PRKN: variants seen among roughly 807,000 people sequenced by gnomAD.
The protein encoded by PRKN is parkin RBR E3 ubiquitin protein ligase.
Under a neutral mutation model 59.5 loss-of-function variants are expected in PRKN, and 56 were observed. That is an observed-to-expected ratio of 0.94 (90% CI 0.76 to 1.18). The LOEUF is 1.18. Among genes scored for constraint, PRKN ranks in the 50% most tolerant of loss-of-function variants. The pLI, the probability that PRKN is intolerant of heterozygous loss-of-function variation, is 0.00. For missense variants in PRKN, 657 were observed against 596.4 expected, an observed-to-expected ratio of 1.10 and a Z score of -1.06; for synonymous variants, 250 against 222.1, an observed-to-expected ratio of 1.13 and a Z score of -1.12.
rs375514312 is a variant in PRKN, at chr6:161,662,874, G to A, written c.872-93458C>T. Among the ~76,000 whole-genome samples the A allele has an allele frequency of 3.9e-5, 6 of 152,210 alleles. No individual in the cohort carries two copies. The East Asian group carries it at 5.8e-4, about 15-fold the overall frequency. ...ACATTCATACCTAGTGGGATAAATC[G>A]AGGATATTGATATGGTTTGGATGTG... On this transcript the variant is annotated intron_variant, in intron 7 of 11. Coordinates refer to ENST00000366898, the MANE Select transcript of PRKN (RefSeq NM_004562.3).
At chr6:162,192,940 A>T (rs984025983) in intron 4 of PRKN, among the ~76,000 whole-genome samples, 15 of 152,260 alleles carry the variant, frequency 9.9e-5, no homozygotes, top group African/African-American at 3.4e-4. Flanking sequence ...GCTTTTGAGC[A>T]TTCTAAAGGT....
Position 161,385,464 on chromosome 6 carries a change from G to A in PRKN, c.1167+1330C>T, listed in dbSNP as rs1232211398. Among the ~76,000 whole-genome samples, 2 of 152,134 alleles carry A rather than the reference G, an allele frequency of 1.3e-5. No individual in the cohort carries two copies. The highest frequency in any genetic ancestry group is 2.1e-4 in the South Asian group (1 of 4,822). ...GGCTACCTTAATCTTTAACACCAAG[G>A]CTGGATGGTTCCTCTTGACTGAAGA... is the stretch of plus-strand genomic sequence containing the variant. On this transcript the variant is annotated intron_variant, in intron 10 of 11. Coordinates refer to ENST00000366898, the MANE Select transcript of PRKN (RefSeq NM_004562.3). This position sits in a 1 kb window ranked among gnomAD's most constrained non-coding sequence, Gnocchi z 4.9.
intron 7 of PRKN, among the ~76,000 whole-genome samples, chr6:161,723,439 G>T (rs906551622): frequency 3.9e-5 from 6 of 152,020 alleles, no homozygotes; most frequent in Non-Finnish European, 8.8e-5. Context: ...TCTTTGCATT[G>T]GAAAGCATTG....
chr6:161,791,053 G>C (rs1369397047), intron 6 of PRKN, among the ~76,000 whole-genome samples: 1 of 152,078 alleles, frequency 6.6e-6, no homozygotes, highest in Non-Finnish European at 1.5e-5. Context: ...TGTGCCCTTT[G>C]CTCTAATTAT....
chr6:162,117,962 G>A (rs113087547), intron 4 of PRKN, among the ~76,000 whole-genome samples: 7 of 152,166 alleles, frequency 4.6e-5, no homozygotes, highest in African/African-American at 1.7e-4. Context: ...CAGGCATGAT[G>A]GCACACACCT....
chr6:161,568,387 A>G (rs1248683494), intron 8 of PRKN, among the ~76,000 whole-genome samples: 2 of 152,196 alleles, frequency 1.3e-5, no homozygotes, highest in Non-Finnish European at 2.9e-5. Context: ...ACGTCAGGAA[A>G]TCGAAACCAT....
intron 1 of PRKN, among the ~76,000 whole-genome samples, chr6:162,596,882 A>T (rs558964096): frequency 6.6e-6 from 1 of 152,200 alleles, no homozygotes; most frequent in Non-Finnish European, 1.5e-5. Flanking sequence ...AGCTTCATGC[A>T]TGGGGAATCC....
rs146014381 is a variant in PRKN at position 161,401,561 on chromosome 6, C to T, written c.1084-14684G>A. Among the ~76,000 whole-genome samples, 334 of 151,870 alleles carry T rather than the reference C, an allele frequency of 2.2e-3. No individual in the cohort carries two copies. Among genetic ancestry groups the T allele is most frequent in the South Asian group, 2.9e-3 (14 of 4,786 alleles). On this transcript the variant is annotated intron_variant, in intron 9 of 11. Coordinates refer to ENST00000366898, the MANE Select transcript of PRKN (RefSeq NM_004562.3). This position sits in a 1 kb window ranked among gnomAD's most constrained non-coding sequence, Gnocchi z 4.4. ...CCAGGAGGCGGAGGCTGCAGTGAGCCGAGATTGTGCCACTGCACTCCATCT... is the reference window on the plus strand; with the variant it reads ...CCAGGAGGCGGAGGCTGCAGTGAGCTGAGATTGTGCCACTGCACTCCATCT...
At chr6:161,537,012 C>G (rs1041199708) in intron 9 of PRKN, among the ~76,000 whole-genome samples, 1 of 152,230 alleles carries the variant, frequency 6.6e-6, no homozygotes, top group African/African-American at 2.4e-5. Flanking sequence ...TATCTTTCTA[C>G]TTCAACTTTT....
chr6:161,999,778 G>A (rs1419742703), intron 5 of PRKN, among the ~76,000 whole-genome samples: 1 of 152,020 alleles, frequency 6.6e-6, no homozygotes, highest in African/African-American at 2.4e-5. Flanking sequence ...CCGCAAACAA[G>A]CTTTAGAGGA....
rs114096297 is a variant in PRKN at position 161,608,177 on chromosome 6, T to C, written c.872-38761A>G. Among the ~76,000 whole-genome samples the C allele has an allele frequency of 4.0e-3, 600 of 151,862 alleles. 6 individuals carry two copies. Among genetic ancestry groups the C allele is most frequent in the African/African-American group, 0.012 (512 of 41,366 alleles). Reference sequence around the variant, plus strand: ...GAATGCATGTCTCCAATTGGAAAAATTGGGGAGAAAATGATATGTGATTTT... The same window carrying C: ...GAATGCATGTCTCCAATTGGAAAAACTGGGGAGAAAATGATATGTGATTTT... On this transcript the variant is annotated intron_variant, in intron 7 of 11. Coordinates refer to ENST00000366898, the MANE Select transcript of PRKN (RefSeq NM_004562.3).
intron 7 of PRKN, among the ~76,000 whole-genome samples, chr6:161,704,155 C>T (rs139930350): frequency 1.4e-3 from 219 of 152,156 alleles, no homozygotes; most frequent in Non-Finnish European, 2.8e-3. Flanking sequence ...CACGCCCGGC[C>T]GAGGACATGC....
rs371166112 is a variant in PRKN at position 161,428,770 on chromosome 6, A to C, written c.1084-41893T>G. 6.6e-6 allele frequency among the ~76,000 whole-genome samples: 1 copy of C among 152,300 alleles called. No individual in the cohort carries two copies. ...AGTACCTCTACCTTGGAAAACCTCC[A>C]TCTTGTCATATATGGGCAAGCATTC... On this transcript the variant is annotated intron_variant, in intron 9 of 11. Coordinates refer to ENST00000366898, the MANE Select transcript of PRKN (RefSeq NM_004562.3). The surrounding 1 kb of genome is among the most constrained non-coding windows in gnomAD (Gnocchi z 4.0).
At chr6:161,799,201 C>T (rs1259255656) in intron 6 of PRKN, among the ~76,000 whole-genome samples, 5 of 152,168 alleles carry the variant, frequency 3.3e-5, no homozygotes, top group South Asian at 2.1e-4. Flanking sequence ...TATTCCTGTT[C>T]GAGGCTGTTG....
At chr6:162,519,581 CAT>C (rs1778005744) in intron 1 of PRKN, among the ~76,000 whole-genome samples, 1 of 152,104 alleles carries the variant, frequency 6.6e-6, no homozygotes, top group Non-Finnish European at 1.5e-5. Context: ...TATGCATAAA[CAT>C]AGTTCAGACT....
At chr6:161,568,065 G>A (rs1042757449) in intron 8 of PRKN, among the ~76,000 whole-genome samples, 1 of 152,144 alleles carries the variant, frequency 6.6e-6, no homozygotes, top group Non-Finnish European at 1.5e-5. Flanking sequence ...AAATGAAGGG[G>A]ATGTACTGTA....
At chr6:162,366,599 G>A (rs942136985) in intron 2 of PRKN, among the ~76,000 whole-genome samples, 1 of 152,040 alleles carries the variant, frequency 6.6e-6, no homozygotes, top group African/African-American at 2.4e-5. Context: ...CCTATAAAGT[G>A]GTGTTTATAA....
At chr6:161,850,987 G>A (rs1372037602) in intron 6 of PRKN, among the ~76,000 whole-genome samples, 1 of 152,194 alleles carries the variant, frequency 6.6e-6, no homozygotes, top group Non-Finnish European at 1.5e-5. Context: ...GAAAATACAT[G>A]TGATCTTCCA....
At chr6:162,494,861 G>C (rs773698852) in intron 1 of PRKN, among the ~76,000 whole-genome samples, 4 of 152,144 alleles carry the variant, frequency 2.6e-5, no homozygotes, top group Admixed American at 2.0e-4. Flanking sequence ...ACAGAACCCT[G>C]GCTCCACTCT....
Sources: allele counts gnomAD v4.1 joint callset (sites outside exome capture counted in the v4.1 genomes callset), GRCh38; gene constraint gnomAD v4.1.1; non-coding constraint Gnocchi (gnomAD v3.1); transcripts MANE v1.5; gene names NCBI Gene and HGNC (gene_info 2026-07-23, HGNC 2026-07-21).